The following KLB variants were observed in gnomAD, a reference collection of about 807,000 sequenced individuals.
KLB encodes the protein beta-klotho.
KLB carries 44 observed loss-of-function variants against 88.4 expected under a neutral mutation model. The observed-to-expected ratio is 0.50, with a 90% CI of 0.39 to 0.64. KLB has a LOEUF of 0.64. Among genes scored for constraint, KLB ranks in the 30% least tolerant of loss-of-function variants. KLB has a pLI of 0.00. For synonymous variants in KLB, 548 were observed against 513.4 expected (o/e 1.07, Z -0.91); for missense variants, 1,137 against 1,304.8 (o/e 0.87, Z 1.98).
chr4:39,424,874 C>T (rs558793108), intron 1 of KLB, among the ~76,000 whole-genome samples: 1 of 152,184 alleles, frequency 6.6e-6, no homozygotes, highest in South Asian at 2.1e-4. Flanking sequence ...AGTGATCCAC[C>T]CGCCTCGGCC....
At chr4:39,417,714 C>A (rs1339538706) in intron 1 of KLB, among the ~76,000 whole-genome samples, 1 of 152,168 alleles carries the variant, frequency 6.6e-6, no homozygotes, top group Non-Finnish European at 1.5e-5. Context: ...TTTTAAATTA[C>A]TATTGTAAGA....
rs148098662 is a variant in KLB at position 39,433,123 on chromosome 4, G to A, written c.826-1087G>A. ...TCAAACTCCTGACCTCAGGTGATCC[G>A]CCTACCTCGGCCTTTCAAAATGCTG... On this transcript the variant is annotated intron_variant, in intron 1 of 4. Transcript: ENST00000257408. Among the ~76,000 whole-genome samples the A allele has an allele frequency of 2.0e-4, 31 of 152,146 alleles. No individual in the cohort carries two copies. The East Asian group carries it at 5.2e-3, about 26-fold the overall frequency.
rs1272323471 is a variant in KLB, at chr4:39,437,708, CT to C, written c.1337-16del. 6.3e-7 allele frequency: 1 copy of C among 1,588,610 alleles called. No individual in the cohort carries two copies. Among genetic ancestry groups the C allele is most frequent in the South Asian group, 1.1e-5 (1 of 87,902 alleles). On this transcript the variant is annotated intron_variant, in intron 2 of 4. Coordinates refer to ENST00000257408, the MANE Select transcript of KLB (RefSeq NM_175737.4). ...ATGTTTAGGCCTCTGAACATCTCTG[CT>C]TTCTTTTCTCTGTGCAGCAATAAGG...
rs1011092686 is a variant in KLB, at chr4:39,411,148, G to A, written c.825+3374G>A. 9.9e-5 allele frequency among the ~76,000 whole-genome samples: 15 copies of A among 151,930 alleles called. 1 individual carries two copies. The highest frequency in any genetic ancestry group is 1.9e-4 in the Non-Finnish European group (13 of 67,978). On this transcript the variant is annotated intron_variant, in intron 1 of 4. Transcript: ENST00000257408. ...GGCTCACTGCAACCTCCGCCTCCCG[G>A]GTTCAAGCGGGAGCCTCAGCCTCCC...
intron 3 of KLB, among the ~76,000 whole-genome samples, chr4:39,443,899 G>A (rs1022026827): frequency 2.0e-5 from 3 of 151,848 alleles, no homozygotes; most frequent in African/African-American, 7.3e-5. Context: ...TGGCTCACCT[G>A]TAATCCCAGC....
intron 2 of KLB, among the ~76,000 whole-genome samples, chr4:39,435,200 C>A (rs111536423): frequency 6.6e-6 from 1 of 152,028 alleles, no homozygotes; most frequent in Non-Finnish European, 1.5e-5. Flanking sequence ...TCACTGCAAC[C>A]TCTGCCTCCT....
At position 39,449,446 on chromosome 4, in the gene KLB, G is replaced by A. The variant is rs1471351668; in HGVS notation, c.*760G>A. On this transcript the variant is annotated 3_prime_UTR_variant, in exon 5 of 5. Coordinates refer to ENST00000257408, the MANE Select transcript of KLB (RefSeq NM_175737.4). ...TATATTCTGTCACTTCTAATAAGGT[G>A]CCTTCTCCTTTAGGTCAGGGTGGTT... The A allele has an allele frequency of 6.6e-6, 1 of 151,978 alleles. No individual in the cohort carries two copies. The highest frequency in any genetic ancestry group is 2.4e-5 in the African/African-American group (1 of 41,364). 9.4% of individuals were successfully genotyped at this position (151,978 alleles called of 1,614,324 possible).
In KLB at chr4:39,426,774, ACCT is replaced by A. The variant is rs200971471; in HGVS notation, c.826-7432_826-7430del. 2.3e-3 allele frequency among the ~76,000 whole-genome samples: 353 copies of A among 151,620 alleles called. 3 individuals carry two copies. Among genetic ancestry groups the A allele is most frequent in the African/African-American group, 7.9e-3 (326 of 41,324 alleles). On this transcript the variant is annotated intron_variant, in intron 1 of 4. Transcript: ENST00000257408. ...ATGATCATAGCTCATTGCAGCCTTGACCTCCTGTGCTCAAGCAATCCTTCCATC... is the reference window on the plus strand; with the variant it reads ...ATGATCATAGCTCATTGCAGCCTTGACCTGTGCTCAAGCAATCCTTCCATC...
chr4:39,424,517 A>T (rs112970776), intron 1 of KLB, among the ~76,000 whole-genome samples: 3,459 of 151,870 alleles, frequency 0.023, 233 homozygotes, highest in African/African-American at 0.08. Flanking sequence ...AAGCAAGGCG[A>T]CCTGAAGCTA....
chr4:39,429,691 G>A (rs1459504874), intron 1 of KLB, among the ~76,000 whole-genome samples: 1 of 152,110 alleles, frequency 6.6e-6, no homozygotes, highest in Non-Finnish European at 1.5e-5. Flanking sequence ...AAGGTTGCAG[G>A]GCCCAGGTTG....
At chr4:39,413,694 A>C (rs1003929057) in intron 1 of KLB, among the ~76,000 whole-genome samples, 1 of 151,996 alleles carries the variant, frequency 6.6e-6, no homozygotes, top group Non-Finnish European at 1.5e-5. Context: ...ACTGCACTCC[A>C]GCCTGGGTGA....
chr4:39,450,960 C>T lies in KLB; in HGVS notation c.*2274C>T, dbSNP rs1448334599. On this transcript the variant is annotated 3_prime_UTR_variant, in exon 5 of 5. Transcript: ENST00000257408. ...CTCACTTTGTTTAAAGTATCTCGTA[C>T]TCACAGTTCACAAATTAACCTTCAC... is the stretch of plus-strand genomic sequence containing the variant. 2 of 151,876 alleles carry T rather than the reference C, an allele frequency of 1.3e-5. No homozygotes were observed. The highest frequency in any genetic ancestry group is 2.9e-5 in the Non-Finnish European group (2 of 67,994). The allele number at this position is 151,876 out of a possible 1,614,324, so 9.4% of individuals were successfully genotyped here. A position where few individuals can be genotyped will look rare whatever the true frequency, so the allele number is the denominator to read the frequency against.
At chr4:39,410,418 AAAT>A (rs1742814211) in intron 1 of KLB, among the ~76,000 whole-genome samples, 2 of 152,198 alleles carry the variant, frequency 1.3e-5, no homozygotes, top group South Asian at 4.1e-4. Flanking sequence ...TGTGTTTTCC[AAAT>A]AATGTTTGTA....
chr4:39,427,510 A>T (rs11933845), intron 1 of KLB, among the ~76,000 whole-genome samples: 10,055 of 151,310 alleles, frequency 0.066, 399 homozygotes, highest in Middle Eastern at 0.14. Flanking sequence ...AATCAACTTG[A>T]TACCAAAATA....
At chr4:39,420,719 T>C (rs995080683) in intron 1 of KLB, among the ~76,000 whole-genome samples, 1 of 152,102 alleles carries the variant, frequency 6.6e-6, no homozygotes, top group Admixed American at 6.6e-5. Flanking sequence ...CTGACTCTTG[T>C]TGCCCAGGCT....
chr4:39,447,198 C>A lies in KLB; in HGVS notation c.2472C>A (p.Asn824Lys). 1 of 1,614,028 alleles carries A rather than the reference C, an allele frequency of 6.2e-7. No individual in the cohort carries two copies. Among genetic ancestry groups the A allele is most frequent in the Non-Finnish European group, 8.5e-7 (1 of 1,180,052 alleles). ...GCACGGTCGACTTCTGCGCGCTCAA[C>A]CACTTCACCACTAGGTTCGTGATGC... is the stretch of plus-strand genomic sequence containing the variant. ...LKGTVDFCAL[N>K]HFTTRFVMHE... The change falls in exon 4 of 5, where the codon AAC (asparagine) becomes AAA (lysine). Residue 824 changes from asparagine (N) to lysine (K), a missense_variant. By Grantham distance (94) the Asn-to-Lys change is moderately conservative. Around this residue, in one of 4 missense-constraint regions of KLB, gnomAD observed 426 missense variants for 404.6 expected, o/e 1.05. Coordinates refer to ENST00000257408, the MANE Select transcript of KLB (RefSeq NM_175737.4).
At chr4:39,443,758 CAAAAAAAA>C (rs56820388) in intron 3 of KLB, among the ~76,000 whole-genome samples, 13 of 111,104 alleles carry the variant, frequency 1.2e-4, no homozygotes, top group African/African-American at 3.4e-4. Flanking sequence ...GAGACTTTGT[CAAAAAAAA>C]AAAAAAAAAA....
chr4:39,416,681 GA>G (rs35510975), intron 1 of KLB, among the ~76,000 whole-genome samples: 48,793 of 151,928 alleles, frequency 0.32, 9,658 homozygotes, highest in South Asian at 0.56. Flanking sequence ...CGCTACTGGG[GA>G]GGCTGAGGTG....
At chr4:39,443,444 T>C (rs1743658513) in intron 3 of KLB, among the ~76,000 whole-genome samples, 1 of 151,852 alleles carries the variant, frequency 6.6e-6, no homozygotes, top group Non-Finnish European at 1.5e-5. Context: ...CATTTTTAAT[T>C]AAGAAGTAAT....
Sources: gnomAD v4.1 joint callset for allele counts (sites outside exome capture counted in the v4.1 genomes callset) on GRCh38, gnomAD v4.1.1 for gene constraint, gnomAD v4.1.1 regional missense constraint, MANE v1.5 for transcripts, NCBI Gene and HGNC (gene_info 2026-07-23, HGNC 2026-07-21) for gene names.